The following CLMP variants were observed in gnomAD, a reference collection of about 807,000 sequenced individuals.
CLMP encodes CXADR-like membrane protein.
A neutral mutation model predicts 45.2 loss-of-function variants in CLMP; 27 were observed. That is an observed-to-expected ratio of 0.60 (90% CI 0.44 to 0.82). CLMP has a LOEUF of 0.82. Among genes scored for constraint, CLMP ranks in the 40% least tolerant of loss-of-function variants. The pLI, the probability that CLMP is intolerant of heterozygous loss-of-function variation, is 0.00. For synonymous variants in CLMP, 167 were observed against 171.4 expected (o/e 0.97, Z 0.20); for missense variants, 403 against 448.4 (o/e 0.90, Z 0.91).
At chr11:123,141,044 C>T (rs906599265) in intron 1 of CLMP, among the ~76,000 whole-genome samples, 6 of 152,144 alleles carry the variant, frequency 3.9e-5, no homozygotes, top group Non-Finnish European at 8.8e-5. Flanking sequence ...CTTTGCCTTC[C>T]ACCATGATTG....
chr11:123,105,370 T>G (rs1305502615), intron 1 of CLMP, among the ~76,000 whole-genome samples: 60 of 67,496 alleles, frequency 8.9e-4, no homozygotes, highest in Middle Eastern at 0.011. Context: ...CCTCCCTCCC[T>G]CCCTCCCTCC....
chr11:123,087,228 T>G (rs1009829848), intron 2 of CLMP, among the ~76,000 whole-genome samples: 6 of 151,948 alleles, frequency 3.9e-5, no homozygotes, highest in African/African-American at 1.2e-4. Context: ...TCCCAGCTAC[T>G]CGGGAGGCTG....
Position 123,084,583 on chromosome 11 carries a change from T to A in CLMP, c.317A>T (p.Glu106Val). The A allele has an allele frequency of 1.9e-6, 3 of 1,614,228 alleles. No individual in the cohort carries two copies. Among genetic ancestry groups the A allele is most frequent in the Non-Finnish European group, 2.5e-6 (3 of 1,180,044 alleles). ...CTTAACCTTACAGGTGTACCGGCCC[T>A]CATCACTGGGCTTCAGAGGTTCAAT... is the stretch of plus-strand genomic sequence containing the variant. ...LQIEPLKPSDEGRYTCKVKNS... is the reference protein window; with the variant it reads ...LQIEPLKPSDVGRYTCKVKNS... Residue 106 changes from glutamate to valine, a missense_variant, in exon 3 of 7, where the codon GAG becomes GTG. Physicochemically the swap from Glu to Val is moderately radical, Grantham distance 121. Transcript: ENST00000448775.
chr11:123,121,225 C>T (rs892529078), intron 1 of CLMP, among the ~76,000 whole-genome samples: 2 of 151,618 alleles, frequency 1.3e-5, no homozygotes, highest in African/African-American at 4.8e-5. Flanking sequence ...GGATTCCCAA[C>T]GTCAGTGTCT....
At chr11:123,079,323 C>T (rs1403347405) in intron 5 of CLMP, among the ~76,000 whole-genome samples, 1 of 152,128 alleles carries the variant, frequency 6.6e-6, no homozygotes, top group Non-Finnish European at 1.5e-5. Context: ...AAACTGATAG[C>T]TTAAAATTAA....
chr11:123,155,423 G>T (rs1411528180), intron 1 of CLMP, among the ~76,000 whole-genome samples: 5 of 152,224 alleles, frequency 3.3e-5, no homozygotes, highest in Admixed American at 6.5e-5. Flanking sequence ...GAAGGCAGGG[G>T]AGGGAAAGAG....
chr11:123,141,659 C>T (rs560039939), intron 1 of CLMP, among the ~76,000 whole-genome samples: 5 of 152,104 alleles, frequency 3.3e-5, no homozygotes, highest in Non-Finnish European at 7.3e-5. Context: ...AATCAAGTTA[C>T]CTGATTCTGG....
chr11:123,100,099 G>A (rs528175425), intron 1 of CLMP, among the ~76,000 whole-genome samples: 5 of 152,260 alleles, frequency 3.3e-5, no homozygotes, highest in East Asian at 1.9e-4. Context: ...GGCCCGGCAC[G>A]GTGGCTCACG....
In CLMP at chr11:123,147,168, G is replaced by A. The variant is rs576557359; in HGVS notation, c.28+47745C>T. 1.1e-4 allele frequency among the ~76,000 whole-genome samples: 17 copies of A among 151,904 alleles called. No homozygotes were observed. In the South Asian group the frequency reaches 2.5e-3, roughly 22 times the overall value. ...TCAAGTTCAACTTCAAATTTAGTAC[G>A]GTAGAAAGACCCTTGGAAATATGAC... is the stretch of plus-strand genomic sequence containing the variant. On this transcript the variant is annotated intron_variant, in intron 1 of 6. Transcript: ENST00000448775.
At chr11:123,118,355 G>T (rs552081923) in intron 1 of CLMP, among the ~76,000 whole-genome samples, 3 of 152,034 alleles carry the variant, frequency 2.0e-5, no homozygotes, top group Admixed American at 6.6e-5. Flanking sequence ...GGCTAGTCTC[G>T]AACTCCTGAC....
At chr11:123,189,422 T>C (rs1455166831) in intron 1 of CLMP, among the ~76,000 whole-genome samples, 1 of 152,216 alleles carries the variant, frequency 6.6e-6, no homozygotes, top group African/African-American at 2.4e-5. Flanking sequence ...CATTTATGTA[T>C]CTGTGAAATG....
intron 2 of CLMP, among the ~76,000 whole-genome samples, chr11:123,095,006 A>G (rs1290283007): frequency 6.6e-6 from 1 of 152,186 alleles, no homozygotes; most frequent in African/African-American, 2.4e-5. Context: ...TGTCTTCTTC[A>G]CTATTGTATC....
intron 1 of CLMP, among the ~76,000 whole-genome samples, chr11:123,175,937 A>G (rs1277591702): frequency 1.3e-5 from 2 of 152,310 alleles, no homozygotes; most frequent in East Asian, 3.9e-4. Context: ...TAGTTACCAA[A>G]TGCTAGCCAT....
At chr11:123,177,287 G>C (rs894983630) in intron 1 of CLMP, among the ~76,000 whole-genome samples, 1 of 152,116 alleles carries the variant, frequency 6.6e-6, no homozygotes, top group Non-Finnish European at 1.5e-5. Context: ...TGCGGTCTTA[G>C]GAAGCAAAAA....
intron 1 of CLMP, among the ~76,000 whole-genome samples, chr11:123,132,546 C>A (rs1450254268): frequency 6.6e-6 from 1 of 152,052 alleles, no homozygotes; most frequent in African/African-American, 2.4e-5. Context: ...GCAACCTCCG[C>A]CTCTTGGGTT....
chr11:123,077,147 C>T (rs749428510), intron 5 of CLMP, among the ~76,000 whole-genome samples: 5 of 150,908 alleles, frequency 3.3e-5, no homozygotes, highest in Non-Finnish European at 7.4e-5. Context: ...TACCGGCGTG[C>T]ACCACCATGG....
At chr11:123,121,904 C>T (rs1299974654) in intron 1 of CLMP, among the ~76,000 whole-genome samples, 10 of 152,132 alleles carry the variant, frequency 6.6e-5, no homozygotes, top group East Asian at 3.9e-4. Context: ...CCCTTGCGTC[C>T]GGCTAATTTT....
rs750253672 is a variant in CLMP, at chr11:123,097,848, C to G, written c.133G>C (p.Asp45His). The G allele has an allele frequency of 6.2e-7, 1 of 1,610,710 alleles. No individual in the cohort carries two copies. Among genetic ancestry groups the G allele is most frequent in the Non-Finnish European group, 8.5e-7 (1 of 1,178,544 alleles). ...CHHQLGLPEK[D>H]TLDIEWLLTD... ...AGCAGCCATTCAATATCCAGAGTGT[C>G]TTTTTCTGGAAGCCCCAGTTGATGG... The change falls in exon 2 of 7, where the codon GAC (aspartate) becomes CAC (histidine). Residue 45 changes from aspartate to histidine, a missense_variant. Transcript: ENST00000448775.
At chr11:123,157,081 A>T (rs933589938) in intron 1 of CLMP, among the ~76,000 whole-genome samples, 39 of 152,304 alleles carry the variant, frequency 2.6e-4, no homozygotes, top group African/African-American at 8.9e-4. Flanking sequence ...TTCCAAAACA[A>T]AACTCAGAGG....
Sources: allele counts gnomAD v4.1 joint callset (sites outside exome capture counted in the v4.1 genomes callset), GRCh38; gene constraint gnomAD v4.1.1; transcripts MANE v1.5; gene names NCBI Gene and HGNC (gene_info 2026-07-23, HGNC 2026-07-21).